PDXP: variants seen among roughly 807,000 people sequenced by gnomAD.
The protein encoded by PDXP is chronophin.
In PDXP, 15 loss-of-function variants were observed where a neutral mutation model predicts 14.4. That is an observed-to-expected ratio of 1.04 (90% CI 0.70 to 1.60). The LOEUF is 1.60. Ranked by LOEUF, PDXP falls within the 40% of genes most tolerant of loss-of-function variation. PDXP has a pLI of 0.00. For missense variants in PDXP, 413 were observed against 427.6 expected, an observed-to-expected ratio of 0.97 and a Z score of 0.30; for synonymous variants, 233 against 205.6, an observed-to-expected ratio of 1.13 and a Z score of -1.14.
intron 1 of PDXP, among the ~76,000 whole-genome samples, chr22:37,661,566 C>T (rs1483445184): frequency 1.3e-5 from 2 of 152,208 alleles, no homozygotes; most frequent in Middle Eastern, 3.4e-3. Flanking sequence ...ACATGCAGAG[C>T]GGTGGATTAC....
At position 37,659,220 on chromosome 22, in the gene PDXP, G is replaced by A; in HGVS notation, c.438G>A (p.Val146=). The A allele has an allele frequency of 7.7e-7, 1 of 1,300,458 alleles. No individual in the cohort carries two copies. Among genetic ancestry groups the A allele is most frequent in the South Asian group, 2.7e-5 (1 of 37,176 alleles). The allele number at this position is 1,300,458 out of a possible 1,614,324, so 80.6% of individuals were successfully genotyped here. ...GCGCGGCCCCGCGCGTGCGCGCCGTGCTTGTGGGCTACGACGAGCACTTCT... is the reference window on the plus strand; with the variant it reads ...GCGCGGCCCCGCGCGTGCGCGCCGTACTTGTGGGCTACGACGAGCACTTCT... ...GDGAAPRVRA[V]LVGYDEHFSF... Residue 146 remains valine (V), a synonymous_variant, in exon 1 of 2, where the codon GTG becomes GTA. Coordinates refer to ENST00000215904, the MANE Select transcript of PDXP (RefSeq NM_020315.5).
Position 37,658,951 on chromosome 22 carries a change from G to T in PDXP, c.169G>T (p.Val57Leu), listed in dbSNP as rs1462405257. ...LARAGKAALFVSNNSRRARPE... is the reference protein window; with the variant it reads ...LARAGKAALFLSNNSRRARPE... Reference sequence around the variant, plus strand: ...GCGGGCCGGCAAGGCGGCTCTGTTTGTGAGCAACAACAGCCGGCGCGCGCG... The same window carrying T: ...GCGGGCCGGCAAGGCGGCTCTGTTTTTGAGCAACAACAGCCGGCGCGCGCG... The change falls in exon 1 of 2, where the codon GTG becomes TTG. Residue 57 changes from valine to leucine, a missense_variant. Physicochemically the swap from Val to Leu is conservative, Grantham distance 32. Coordinates refer to ENST00000215904, the MANE Select transcript of PDXP (RefSeq NM_020315.5). The T allele has an allele frequency of 8.2e-7, 1 of 1,214,918 alleles. No homozygotes were observed. The highest frequency in any genetic ancestry group is 1.0e-6 in the Non-Finnish European group (1 of 974,746). The allele number at this position is 1,214,918 out of a possible 1,614,324, so 75.3% of individuals were successfully genotyped here.
chr22:37,661,294 G>C (rs9619698), intron 1 of PDXP, among the ~76,000 whole-genome samples: 10 of 152,202 alleles, frequency 6.6e-5, no homozygotes, highest in African/African-American at 2.2e-4. Flanking sequence ...ACAGCACTGC[G>C]ATCATGTTTG....
At position 37,658,845 on chromosome 22, in the gene PDXP, G is replaced by T. The variant is rs756566677; in HGVS notation, c.63G>T (p.Gly21=). The T allele has an allele frequency of 8.3e-7, 1 of 1,206,028 alleles. No individual in the cohort carries two copies. Among genetic ancestry groups the T allele is most frequent in the Non-Finnish European group, 1.0e-6 (1 of 970,036 alleles). The allele number at this position is 1,206,028 out of a possible 1,614,324, so 74.7% of individuals were successfully genotyped here. A position where few individuals can be genotyped will look rare whatever the true frequency, so the allele number is the denominator to read the frequency against. Residue 21 remains glycine, a synonymous_variant, in exon 1 of 2, where the codon GGG becomes GGT. Coordinates refer to ENST00000215904, the MANE Select transcript of PDXP (RefSeq NM_020315.5). ...GCGACGTGCTGGGCCGGGCGCAGGG[G>T]GTCCTGTTCGACTGTGACGGGGTGC... The part of the protein sequence containing the change: ...ALRDVLGRAQ[G]VLFDCDGVLW...
rs572274412 is a variant in PDXP at position 37,665,536 on chromosome 22, C to T, written c.575-19C>T. On this transcript the variant is annotated intron_variant, in intron 1 of 1. Coordinates refer to ENST00000215904, the MANE Select transcript of PDXP (RefSeq NM_020315.5). Reference sequence around the variant, plus strand: ...GTCCCTGCCGCCCTCCTGCTGACTGCGTCTCCATCTCCCTACAGGCACCGG... The same window carrying T: ...GTCCCTGCCGCCCTCCTGCTGACTGTGTCTCCATCTCCCTACAGGCACCGG... The T allele has an allele frequency of 2.5e-5, 40 of 1,577,600 alleles. No homozygotes were observed. The highest frequency in any genetic ancestry group is 1.7e-4 in the Middle Eastern group (1 of 5,970).
At chr22:37,661,916 AATTTTTTTTTTTTTTTTTTT>A (rs1933212148) in intron 1 of PDXP, among the ~76,000 whole-genome samples, 1 of 71,388 alleles carries the variant, frequency 1.4e-5, no homozygotes, top group East Asian at 4.1e-4. Flanking sequence ...CTTTTTCTTT[AATTTTTTTTTTTTTTTTTTT>A]TTTTTTTTTT....
At position 37,666,703 on chromosome 22, in the gene PDXP, C is replaced by G. The variant is rs1357729673; in HGVS notation, c.*832C>G. On this transcript the variant is annotated 3_prime_UTR_variant, in exon 2 of 2. Coordinates refer to ENST00000215904, the MANE Select transcript of PDXP (RefSeq NM_020315.5). ...TTCTGTGGCCAAGCCCCACCCTTTC[C>G]TGGTCATGGTACCCGTACAGCGTTG... is the stretch of plus-strand genomic sequence containing the variant. 1 of 167,156 alleles carries G rather than the reference C, an allele frequency of 6.0e-6. No homozygotes were observed. Among genetic ancestry groups the G allele is most frequent in the African/African-American group, 2.4e-5 (1 of 41,458 alleles). The allele number at this position is 167,156 out of a possible 1,614,324, so 10.4% of individuals were successfully genotyped here. A position where few individuals can be genotyped will look rare whatever the true frequency, so the allele number is the denominator to read the frequency against.
intron 1 of PDXP, chr22:37,665,188 CAG>C (rs1478145309): frequency 1.0e-5 from 3 of 298,624 alleles, no homozygotes; most frequent in African/African-American, 2.1e-5. Context: ...CCACGGCTGT[CAG>C]GGTGAAATCG....
chr22:37,664,881 T>C (rs554216670), intron 1 of PDXP: 1 of 153,106 alleles, frequency 6.5e-6, no homozygotes, highest in East Asian at 1.9e-4. Context: ...CCTGCAGCTT[T>C]TTGTCTCCAG....
intron 1 of PDXP, among the ~76,000 whole-genome samples, chr22:37,662,124 A>G (rs968245340): frequency 1.0e-4 from 15 of 150,750 alleles, no homozygotes; most frequent in Non-Finnish European, 1.5e-5. Context: ...ATTCTCTACC[A>G]AGTTCTTAAA....
In PDXP at chr22:37,666,255, C is replaced by T. The variant is rs1361479476; in HGVS notation, c.*384C>T. ...GCTCTCTCTGCCCCTCAGGTCCTGG[C>T]CCTTGGGTCCTTGTCAACCAGAGGT... On this transcript the variant is annotated 3_prime_UTR_variant, in exon 2 of 2. Coordinates refer to ENST00000215904, the MANE Select transcript of PDXP (RefSeq NM_020315.5). 3 of 289,036 alleles carry T rather than the reference C, an allele frequency of 1.0e-5. No homozygotes were observed. Among genetic ancestry groups the T allele is most frequent in the African/African-American group, 4.3e-5 (2 of 46,082 alleles). 17.9% of individuals were successfully genotyped at this position (289,036 alleles called of 1,614,324 possible).
intron 1 of PDXP, among the ~76,000 whole-genome samples, chr22:37,661,346 G>GGTGT (rs1426278562): frequency 1.2e-5 from 1 of 80,716 alleles, no homozygotes; most frequent in African/African-American, 3.2e-5. Context: ...GGTGTGGTGT[G>GGTGT]GTGTGTGTGT....
intron 1 of PDXP, among the ~76,000 whole-genome samples, chr22:37,662,680 A>G (rs540852903): frequency 4.3e-4 from 65 of 152,308 alleles, no homozygotes; most frequent in African/African-American, 1.5e-3. Flanking sequence ...AGAACTTACT[A>G]CCTTTGTTTT....
chr22:37,664,356 A>G (rs746490931), intron 1 of PDXP, among the ~76,000 whole-genome samples: 5 of 152,148 alleles, frequency 3.3e-5, no homozygotes, highest in Non-Finnish European at 7.3e-5. Flanking sequence ...GTGCTTCCCA[A>G]AGTGCTGGGA....
chr22:37,666,582 G>A lies in PDXP; in HGVS notation c.*711G>A, dbSNP rs41283237. The A allele has an allele frequency of 5.8e-3, 978 of 167,406 alleles. No individual in the cohort carries two copies. The highest frequency in any genetic ancestry group is 0.01 in the Non-Finnish European group (715 of 68,312). 10.4% of individuals were successfully genotyped at this position (167,406 alleles called of 1,614,324 possible). A position where few individuals can be genotyped will look rare whatever the true frequency, so the allele number is the denominator to read the frequency against. On this transcript the variant is annotated 3_prime_UTR_variant, in exon 2 of 2. Coordinates refer to ENST00000215904, the MANE Select transcript of PDXP (RefSeq NM_020315.5). The stretch of plus-strand genomic sequence containing the variant: ...GGCCCCTTGATAATCTGGGTCTCAC[G>A]GGACCAGCTAGGGGTCCAGGTTTCA...
chr22:37,665,658 C>A lies in PDXP; in HGVS notation c.678C>A (p.Phe226Leu), dbSNP rs914343304. The change falls in exon 2 of 2, where the codon TTC (phenylalanine) becomes TTA (leucine). Residue 226 changes from phenylalanine (F) to leucine (L), a missense_variant. Coordinates refer to ENST00000215904, the MANE Select transcript of PDXP (RefSeq NM_020315.5). ...PYMFECITENFSIDPARTLMV... is the reference protein window; with the variant it reads ...PYMFECITENLSIDPARTLMV... ...TGTTCGAGTGCATCACGGAGAACTT[C>A]AGCATCGACCCCGCACGCACGCTTA... is the stretch of plus-strand genomic sequence containing the variant. The A allele has an allele frequency of 6.2e-7, 1 of 1,614,020 alleles. No homozygotes were observed. The highest frequency in any genetic ancestry group is 8.5e-7 in the Non-Finnish European group (1 of 1,180,044).
At chr22:37,661,917 ATTTTTTTTTTTTTTTTTTTTTTTTTT>A (rs763030330) in intron 1 of PDXP, among the ~76,000 whole-genome samples, 7 of 71,220 alleles carry the variant, frequency 9.8e-5, no homozygotes, top group South Asian at 5.2e-4. Context: ...TTTTTCTTTA[ATTTTTTTTTTTTTTTTTTTTTTTTTT>A]TTTTTTTTTT....
rs114118203 is a variant in PDXP, at chr22:37,659,453, G to A, written c.574+97G>A. 1,784 of 959,908 alleles carry A rather than the reference G, an allele frequency of 1.9e-3. 26 individuals carry two copies. In the African/African-American group the frequency reaches 0.027, roughly 15 times the overall value. 59.5% of individuals were successfully genotyped at this position (959,908 alleles called of 1,614,324 possible). A position where few individuals can be genotyped will look rare whatever the true frequency, so the allele number is the denominator to read the frequency against. On this transcript the variant is annotated intron_variant, in intron 1 of 1. Coordinates refer to ENST00000215904, the MANE Select transcript of PDXP (RefSeq NM_020315.5). ...GGGCGGGGAAGAGGCGTCTCCAGGT[G>A]GCAGGTGGGGAACAGGAGAGTGCGA...
rs1175745751 is a variant in PDXP, at chr22:37,665,926, G to A, written c.*55G>A. The A allele has an allele frequency of 2.0e-6, 3 of 1,533,422 alleles. No individual in the cohort carries two copies. The highest frequency in any genetic ancestry group is 1.7e-5 in the Admixed American group (1 of 57,338). The allele number at this position is 1,533,422 out of a possible 1,614,324, so 95.0% of individuals were successfully genotyped here. A position where few individuals can be genotyped will look rare whatever the true frequency, so the allele number is the denominator to read the frequency against. On this transcript the variant is annotated 3_prime_UTR_variant, in exon 2 of 2. Coordinates refer to ENST00000215904, the MANE Select transcript of PDXP (RefSeq NM_020315.5). ...CCCTCCCCACTCCCTGATCCCGTAGGTGGAGGCGATGGGTCACGAGCCATG... is the reference window on the plus strand; with the variant it reads ...CCCTCCCCACTCCCTGATCCCGTAGATGGAGGCGATGGGTCACGAGCCATG...
Sources: allele counts gnomAD v4.1 joint callset (sites outside exome capture counted in the v4.1 genomes callset), GRCh38; gene constraint gnomAD v4.1.1; transcripts MANE v1.5; gene names NCBI Gene and HGNC (gene_info 2026-07-23, HGNC 2026-07-21).